The following MACROD1 variants were observed in gnomAD, a reference collection of about 807,000 sequenced individuals.
MACROD1 encodes the protein ADP-ribose glycohydrolase MACROD1.
Under a neutral mutation model 41.4 loss-of-function variants are expected in MACROD1, and 31 were observed. The ratio of observed to expected loss-of-function variants is 0.75; its 90% confidence interval spans 0.56 to 1.01. The LOEUF is 1.01. MACROD1 is among the 50% of genes least tolerant of loss of function. The probability of loss-of-function intolerance (pLI) is 0.00; values close to 1 mark genes in which losing one functional copy is unlikely to be tolerated. For synonymous variants in MACROD1, 252 were observed against 203.4 expected, an observed-to-expected ratio of 1.24 and a Z score of -2.03; for missense variants, 473 against 460.0, an observed-to-expected ratio of 1.03 and a Z score of -0.26.
intron 3 of MACROD1, among the ~76,000 whole-genome samples, chr11:64,043,771 G>A (rs1293067493): frequency 1.3e-5 from 2 of 152,034 alleles, no homozygotes; most frequent in African/African-American, 2.4e-5. Flanking sequence ...GGCTCAGGCA[G>A]GTAAAGTGAT....
chr11:64,023,331 T>C (rs908626150), intron 3 of MACROD1, among the ~76,000 whole-genome samples: 3 of 152,124 alleles, frequency 2.0e-5, no homozygotes, highest in African/African-American at 7.2e-5. Flanking sequence ...CCAGCTGTGA[T>C]CTCGGGTCAG....
chr11:64,002,790 G>C (rs145924149), intron 4 of MACROD1, among the ~76,000 whole-genome samples: 2,476 of 152,280 alleles, frequency 0.016, 34 homozygotes, highest in Middle Eastern at 0.048. Context: ...CTAGGTCCTA[G>C]AGACTCAAGC....
At chr11:64,135,378 AG>A (rs1448720140) in intron 3 of MACROD1, among the ~76,000 whole-genome samples, 2 of 152,146 alleles carry the variant, frequency 1.3e-5, no homozygotes, top group Admixed American at 1.3e-4. Context: ...AACCCCGGCC[AG>A]GGCCGCTCAG....
At chr11:64,070,529 A>G (rs978679196) in intron 3 of MACROD1, among the ~76,000 whole-genome samples, 3 of 152,304 alleles carry the variant, frequency 2.0e-5, no homozygotes, top group South Asian at 2.1e-4. Context: ...AGGCTGCCCG[A>G]GAGCAGAGCT....
intron 3 of MACROD1, among the ~76,000 whole-genome samples, chr11:64,109,899 C>T (rs922940160): frequency 2.6e-5 from 4 of 152,228 alleles, no homozygotes; most frequent in Admixed American, 6.5e-5. Context: ...GAGTAGAGAA[C>T]GGGCCACTGG....
At chr11:64,088,099 T>G (rs1944426241) in intron 3 of MACROD1, among the ~76,000 whole-genome samples, 1 of 152,132 alleles carries the variant, frequency 6.6e-6, no homozygotes, top group Admixed American at 6.5e-5. Flanking sequence ...GGCCCCTCTA[T>G]CTCCACCCCA....
rs935795039 is a variant in MACROD1 at position 64,146,022 on chromosome 11, G to A, written c.517+5217C>T. 4.0e-5 allele frequency among the ~76,000 whole-genome samples: 6 copies of A among 151,658 alleles called. No individual in the cohort carries two copies. The highest frequency in any genetic ancestry group is 1.9e-4 in the East Asian group (1 of 5,144). ...TGACCTCAAGCGATCCGCCCGCCTCGGCCTCCCAAAGTGCTAGGATAACAG... is the reference window on the plus strand; with the variant it reads ...TGACCTCAAGCGATCCGCCCGCCTCAGCCTCCCAAAGTGCTAGGATAACAG... On this transcript the variant is annotated intron_variant, in intron 3 of 10. Coordinates refer to ENST00000255681, the MANE Select transcript of MACROD1 (RefSeq NM_014067.4). This position sits in a 1 kb window ranked among gnomAD's most constrained non-coding sequence, Gnocchi z 4.7.
chr11:64,133,870 G>A (rs547712593), intron 3 of MACROD1, among the ~76,000 whole-genome samples: 45 of 152,342 alleles, frequency 3.0e-4, no homozygotes, highest in African/African-American at 1.1e-3. Context: ...ACATGGGAGC[G>A]ACAGCAAACC....
chr11:63,998,652 C>T lies in MACROD1; in HGVS notation c.*66G>A. The T allele has an allele frequency of 7.6e-7, 1 of 1,310,748 alleles. No individual in the cohort carries two copies. The highest frequency in any genetic ancestry group is 9.7e-7 in the Non-Finnish European group (1 of 1,033,002). 81.2% of individuals were successfully genotyped at this position (1,310,748 alleles called of 1,614,324 possible). A position where few individuals can be genotyped will look rare whatever the true frequency, so the allele number is the denominator to read the frequency against. On this transcript the variant is annotated 3_prime_UTR_variant, in exon 11 of 11. Transcript: ENST00000255681. ...CAGGCCAGGCTGCAGGCTTTGGCGACCTCTCAGAGCTGGGAGCGGGGTCCC... is the reference window on the plus strand; with the variant it reads ...CAGGCCAGGCTGCAGGCTTTGGCGATCTCTCAGAGCTGGGAGCGGGGTCCC...
chr11:64,069,945 C>T (rs577423077), intron 3 of MACROD1, among the ~76,000 whole-genome samples: 4 of 152,200 alleles, frequency 2.6e-5, no homozygotes, highest in South Asian at 2.1e-4. Context: ...GCCCGACTCG[C>T]GCCCAGTGGG....
chr11:64,075,864 G>A (rs1199772782), intron 3 of MACROD1, among the ~76,000 whole-genome samples: 1 of 152,172 alleles, frequency 6.6e-6, no homozygotes, highest in Non-Finnish European at 1.5e-5. Flanking sequence ...AGTAGAGACG[G>A]GGTTTCACCA....
chr11:64,017,343 T>A (rs1205826498), intron 3 of MACROD1, among the ~76,000 whole-genome samples: 1 of 152,012 alleles, frequency 6.6e-6, no homozygotes, highest in Admixed American at 6.6e-5. Context: ...ATGGGCCCAT[T>A]TATTATCATA....
At chr11:64,151,391 G>A (rs749645926) in intron 2 of MACROD1, 36 bp from the exon 3 acceptor site, 7 of 1,526,096 alleles carry the variant, frequency 4.6e-6, no homozygotes, top group Non-Finnish European at 6.3e-6. Context: ...TCACAGCGAG[G>A]CTGCCCACTG....
At chr11:64,077,749 G>A (rs1178210171) in intron 3 of MACROD1, among the ~76,000 whole-genome samples, 1 of 152,328 alleles carries the variant, frequency 6.6e-6, no homozygotes, top group African/African-American at 2.4e-5. Context: ...CTGCATTGCC[G>A]AGGGAGGAGT....
chr11:64,074,825 G>A (rs537603297), intron 3 of MACROD1, among the ~76,000 whole-genome samples: 1 of 152,334 alleles, frequency 6.6e-6, no homozygotes, highest in East Asian at 1.9e-4. Flanking sequence ...TTGGGGTGGG[G>A]AAGCCTGTGG....
chr11:64,119,306 T>G (rs1363452775), intron 3 of MACROD1: 2 of 152,978 alleles, frequency 1.3e-5, no homozygotes, highest in Non-Finnish European at 2.9e-5. Flanking sequence ...ACGGGTGGCT[T>G]AGGGAGGCGT....
At chr11:64,144,967 G>A (rs946795379) in intron 3 of MACROD1, among the ~76,000 whole-genome samples, 8 of 152,198 alleles carry the variant, frequency 5.3e-5, no homozygotes, top group East Asian at 3.9e-4. Context: ...AGGGACAGCC[G>A]GACGCAGGGG....
chr11:64,104,969 T>A (rs1264202403), intron 3 of MACROD1, among the ~76,000 whole-genome samples: 1 of 151,660 alleles, frequency 6.6e-6, no homozygotes, highest in Non-Finnish European at 1.5e-5. Context: ...AAGCCCCAAT[T>A]CATTACCAAG....
intron 4 of MACROD1, among the ~76,000 whole-genome samples, chr11:64,006,986 G>C (rs1299572845): frequency 1.3e-5 from 2 of 152,178 alleles, no homozygotes; most frequent in Non-Finnish European, 2.9e-5. Context: ...AGGAAGGCCT[G>C]GGGGCCTTTC....
Sources: gnomAD v4.1 joint callset for allele counts (sites outside exome capture counted in the v4.1 genomes callset) on GRCh38, gnomAD v4.1.1 for gene constraint, Gnocchi (gnomAD v3.1) non-coding constraint, MANE v1.5 for transcripts, NCBI Gene and HGNC (gene_info 2026-07-23, HGNC 2026-07-21) for gene names.